The following BTBD9 variants were observed in gnomAD, a reference collection of about 807,000 sequenced individuals.
BTBD9 encodes the protein BTB domain containing 9.
A neutral mutation model predicts 64.3 loss-of-function variants in BTBD9; 49 were observed. The observed-to-expected ratio is 0.76, with a 90% CI of 0.61 to 0.97. The LOEUF (loss-of-function observed/expected upper bound fraction) is 0.97. Among genes scored for constraint, BTBD9 ranks in the 50% least tolerant of loss-of-function variants. BTBD9 has a pLI of 0.00. For synonymous variants in BTBD9, 260 were observed against 274.7 expected (o/e 0.95, Z 0.53); for missense variants, 598 against 762.1 (o/e 0.78, Z 2.53).
chr6:38,597,571 C>A (rs1777089410), intron 2 of BTBD9, among the ~76,000 whole-genome samples: 1 of 152,082 alleles, frequency 6.6e-6, no homozygotes, highest in African/African-American at 2.4e-5. Flanking sequence ...TCTACCTATG[C>A]AAAAAGAAGC....
At chr6:38,308,788 A>T (rs975664893) in intron 7 of BTBD9, among the ~76,000 whole-genome samples, 11 of 151,338 alleles carry the variant, frequency 7.3e-5, no homozygotes, top group Admixed American at 2.6e-4. Flanking sequence ...TTATTTATTT[A>T]TTTTTTGTAT....
intron 6 of BTBD9, among the ~76,000 whole-genome samples, chr6:38,361,429 G>C (rs914371984): frequency 2.0e-5 from 3 of 152,090 alleles, no homozygotes; most frequent in Non-Finnish European, 4.4e-5. Flanking sequence ...CATGGCTATA[G>C]TCCTAGCTAC....
At chr6:38,532,378 A>AC (rs1277994746) in intron 6 of BTBD9, among the ~76,000 whole-genome samples, 1 of 151,986 alleles carries the variant, frequency 6.6e-6, no homozygotes, top group Non-Finnish European at 1.5e-5. Context: ...AAGAGACTAT[A>AC]CTCCTAGGTG....
chr6:38,374,325 A>ATATATATATATG (rs1582318128), intron 6 of BTBD9, among the ~76,000 whole-genome samples: 1 of 123,494 alleles, frequency 8.1e-6, no homozygotes, highest in African/African-American at 3.2e-5. Flanking sequence ...ATATATATAT[A>ATATATATATATG]TGTATATAAA....
chr6:38,422,564 G>A (rs1487698533), intron 6 of BTBD9, among the ~76,000 whole-genome samples: 2 of 152,076 alleles, frequency 1.3e-5, no homozygotes, highest in African/African-American at 4.8e-5. Context: ...TGCTGATAGG[G>A]ATAAGAACCA....
At chr6:38,371,019 AT>A in intron 6 of BTBD9, among the ~76,000 whole-genome samples, 1 of 151,992 alleles carries the variant, frequency 6.6e-6, no homozygotes. Flanking sequence ...TCATCTGAGA[AT>A]TTTTTTCTTC....
chr6:38,234,436 G>A (rs566569909), intron 9 of BTBD9, among the ~76,000 whole-genome samples: 3 of 152,226 alleles, frequency 2.0e-5, no homozygotes, highest in South Asian at 2.1e-4. Flanking sequence ...GGGTTGGCTC[G>A]ACCCCACATG....
At chr6:38,245,735 G>A (rs1170235646) in intron 9 of BTBD9, among the ~76,000 whole-genome samples, 2 of 152,160 alleles carry the variant, frequency 1.3e-5, no homozygotes, top group Admixed American at 6.5e-5. Context: ...GAGTGGAGTG[G>A]AACAGGTAAG....
intron 9 of BTBD9, among the ~76,000 whole-genome samples, chr6:38,200,093 G>A (rs1235287033): frequency 6.6e-6 from 1 of 152,250 alleles, no homozygotes; most frequent in Non-Finnish European, 1.5e-5. Context: ...TATGCACTCA[G>A]GGCTGAGGGG....
At chr6:38,486,932 T>C (rs372277094) in intron 6 of BTBD9, among the ~76,000 whole-genome samples, 188 of 152,334 alleles carry the variant, frequency 1.2e-3, no homozygotes, top group African/African-American at 4.2e-3. Context: ...AATGGTCAGA[T>C]AGTTGGTAAA....
In BTBD9 at chr6:38,334,265, G is replaced by A. The variant is rs186342535; in HGVS notation, c.1264+10719C>T. Among the ~76,000 whole-genome samples, 1,401 of 150,482 alleles carry A rather than the reference G, an allele frequency of 9.3e-3. 14 individuals are homozygous for A. Among genetic ancestry groups the A allele is most frequent in the Middle Eastern group, 0.027 (8 of 294 alleles). On this transcript the variant is annotated intron_variant, in intron 7 of 10. Coordinates refer to ENST00000481247, the MANE Select transcript of BTBD9 (RefSeq NM_001099272.2). The stretch of plus-strand genomic sequence containing the variant: ...TGAACACAGAGATTATCTGAAACTA[G>A]AACTTATATTTAACAGCTGGGCATG...
chr6:38,486,900 C>G (rs1405634523), intron 6 of BTBD9, among the ~76,000 whole-genome samples: 1 of 152,178 alleles, frequency 6.6e-6, no homozygotes, highest in Non-Finnish European at 1.5e-5. Context: ...ATGCTTGTAG[C>G]ACTATTCTCA....
intron 6 of BTBD9, among the ~76,000 whole-genome samples, chr6:38,528,879 G>A (rs1431779233): frequency 5.3e-5 from 8 of 152,134 alleles, no homozygotes; most frequent in Non-Finnish European, 7.4e-5. Flanking sequence ...TACAGGAAGA[G>A]ATCCTTTCTG....
At chr6:38,497,477 G>A (rs1582528908) in intron 6 of BTBD9, among the ~76,000 whole-genome samples, 2 of 152,220 alleles carry the variant, frequency 1.3e-5, no homozygotes, top group South Asian at 2.1e-4. Flanking sequence ...ATTAGAACGG[G>A]CTAGCTCTTC....
intron 6 of BTBD9, among the ~76,000 whole-genome samples, chr6:38,577,183 G>A (rs1247214889): frequency 1.3e-5 from 2 of 152,260 alleles, no homozygotes; most frequent in East Asian, 3.9e-4. Context: ...ATGTCCTCTG[G>A]CCCTGGCCAT....
At chr6:38,447,303 C>T (rs1196373667) in intron 6 of BTBD9, among the ~76,000 whole-genome samples, 3 of 152,254 alleles carry the variant, frequency 2.0e-5, no homozygotes, top group South Asian at 2.1e-4. Flanking sequence ...CGTTACAATT[C>T]GGCTGTCAAT....
Position 38,385,179 on chromosome 6 carries a change from G to GA in BTBD9, c.1155-40087dup, listed in dbSNP as rs763059392. 4.7e-5 allele frequency among the ~76,000 whole-genome samples: 7 copies of GA among 147,610 alleles called. No homozygotes were observed. In the East Asian group the frequency reaches 1.2e-3, roughly 25 times the overall value. On this transcript the variant is annotated intron_variant, in intron 6 of 10. Coordinates refer to ENST00000481247, the MANE Select transcript of BTBD9 (RefSeq NM_001099272.2). ...AAGCATACTAGATACAACTTGGTGT[G>GA]AAAATCTTACGTACTTTTTTTTTTT...
intron 8 of BTBD9, among the ~76,000 whole-genome samples, chr6:38,258,505 G>T (rs143716045): frequency 3.3e-5 from 5 of 152,286 alleles, no homozygotes; most frequent in African/African-American, 7.2e-5. Flanking sequence ...CAGTGTCTAC[G>T]TCTTACTGAT....
rs1766872060 is a variant in BTBD9 at position 38,173,360 on chromosome 6, G to A, written c.*1625C>T. The A allele has an allele frequency of 6.6e-6, 1 of 152,276 alleles. No homozygotes were observed. Among genetic ancestry groups the A allele is most frequent in the Middle Eastern group, 3.2e-3 (1 of 316 alleles). 9.4% of individuals were successfully genotyped at this position (152,276 alleles called of 1,614,324 possible). A position where few individuals can be genotyped will look rare whatever the true frequency, so the allele number is the denominator to read the frequency against. On this transcript the variant is annotated 3_prime_UTR_variant, in exon 11 of 11. Coordinates refer to ENST00000481247, the MANE Select transcript of BTBD9 (RefSeq NM_001099272.2). Reference sequence around the variant, plus strand: ...GAAGTGGCAGAGATCAGAGCTGAGGGGATAGGAAGCAGCTCAGCCCTGCAG... The same window carrying A: ...GAAGTGGCAGAGATCAGAGCTGAGGAGATAGGAAGCAGCTCAGCCCTGCAG...
Sources: gnomAD v4.1 joint callset for allele counts (sites outside exome capture counted in the v4.1 genomes callset) on GRCh38, gnomAD v4.1.1 for gene constraint, MANE v1.5 for transcripts, NCBI Gene and HGNC (gene_info 2026-07-23, HGNC 2026-07-21) for gene names.